ACO1: variants seen among roughly 807,000 people sequenced by gnomAD.
ACO1 encodes cytoplasmic aconitate hydratase.
In ACO1, 78 loss-of-function variants were observed where a neutral mutation model predicts 105.1. The ratio of observed to expected loss-of-function variants is 0.74; its 90% confidence interval spans 0.62 to 0.90. The LOEUF (loss-of-function observed/expected upper bound fraction) is 0.90, where lower values mean the gene tolerates loss of function less well. ACO1 is among the 40% of genes least tolerant of loss of function. ACO1 has a pLI of 0.00. For missense variants in ACO1, 965 were observed against 1,111.1 expected (o/e 0.87, Z 1.87); for synonymous variants, 364 against 397.4 (o/e 0.92, Z 1.00).
At chr9:32,417,047 G>A (rs1821866804) in intron 4 of ACO1, among the ~76,000 whole-genome samples, 1 of 152,182 alleles carries the variant, frequency 6.6e-6, no homozygotes, top group South Asian at 2.1e-4. Context: ...AGTCCATGTG[G>A]TATAGGGATT....
In ACO1 at chr9:32,451,488, C is replaced by T. The variant is rs996717892; in HGVS notation, c.*1377C>T. The T allele has an allele frequency of 6.6e-6, 1 of 152,192 alleles. No homozygotes were observed. Among genetic ancestry groups the T allele is most frequent in the African/African-American group, 2.4e-5 (1 of 41,436 alleles). 9.4% of individuals were successfully genotyped at this position (152,192 alleles called of 1,614,324 possible). A position where few individuals can be genotyped will look rare whatever the true frequency, so the allele number is the denominator to read the frequency against. The stretch of plus-strand genomic sequence containing the variant: ...AACAACTTGGTTCAAGTCCAAATGC[C>T]TAAGAACCTGGGGAGGGGCATGGGG... On this transcript the variant is annotated 3_prime_UTR_variant, in exon 21 of 21. Transcript: ENST00000309951.
At chr9:32,426,114 C>A in intron 11 of ACO1, 117 bp downstream of exon 11, 6 of 1,034,386 alleles carry the variant, frequency 5.8e-6, no homozygotes, top group Middle Eastern at 2.4e-4. Flanking sequence ...CTCGTCTTTT[C>A]CAGATACAGA....
At chr9:32,401,846 C>A (rs1361782075) in intron 1 of ACO1, among the ~76,000 whole-genome samples, 1 of 152,190 alleles carries the variant, frequency 6.6e-6, no homozygotes, top group Non-Finnish European at 1.5e-5. Context: ...TGTCCATGCC[C>A]ACCCCCGTTC....
In ACO1 at chr9:32,427,914, C is replaced by T. The variant is rs556481294; in HGVS notation, c.1484+478C>T. ...CTGTTCCAAAATATTTTCTTTATAT[C>T]TTTATTTCATAAGTTTTTTCCTATT... On this transcript the variant is annotated intron_variant, in intron 12 of 20. Transcript: ENST00000309951. 1.9e-3 allele frequency among the ~76,000 whole-genome samples: 288 copies of T among 152,230 alleles called. 1 individual carries two copies. Among genetic ancestry groups the T allele is most frequent in the Non-Finnish European group, 3.5e-3 (235 of 67,990 alleles).
chr9:32,414,252 G>A (rs1587529809), intron 4 of ACO1, among the ~76,000 whole-genome samples: 1 of 152,206 alleles, frequency 6.6e-6, no homozygotes, highest in African/African-American at 2.4e-5. Context: ...TCCATTAAAT[G>A]TAATTCTCAG....
chr9:32,432,133 C>G (rs1822252775), intron 15 of ACO1, among the ~76,000 whole-genome samples: 1 of 152,076 alleles, frequency 6.6e-6, no homozygotes, highest in Admixed American at 6.6e-5. Flanking sequence ...TCTCGGACAC[C>G]CAGGGGTGTG....
At chr9:32,406,897 C>A (rs1821623070) in intron 2 of ACO1, among the ~76,000 whole-genome samples, 1 of 152,178 alleles carries the variant, frequency 6.6e-6, no homozygotes, top group African/African-American at 2.4e-5. Flanking sequence ...AATTCTCTTG[C>A]CTCAGCCTCC....
chr9:32,400,932 A>T (rs1218652985), intron 1 of ACO1, among the ~76,000 whole-genome samples: 1 of 131,580 alleles, frequency 7.6e-6, no homozygotes, highest in Non-Finnish European at 1.6e-5. Context: ...ATGAATATAC[A>T]CTAATGGTCT....
intron 3 of ACO1, 38 bp downstream of exon 3, chr9:32,407,467 C>T (rs770558314): frequency 6.4e-7 from 1 of 1,571,352 alleles, no homozygotes; most frequent in East Asian, 2.3e-5. Context: ...TTGCCTCCCT[C>T]ATTAGCCTTT....
At chr9:32,420,223 T>A (rs1341960313) in intron 7 of ACO1, among the ~76,000 whole-genome samples, 2 of 152,226 alleles carry the variant, frequency 1.3e-5, no homozygotes, top group Non-Finnish European at 2.9e-5. Context: ...TATGGGAATC[T>A]TTTGGTTACA....
Position 32,418,371 on chromosome 9 carries a change from G to A in ACO1, c.518G>A (p.Gly173Asp), listed in dbSNP as rs760657982. Residue 173 changes from glycine to aspartate, a missense_variant, in exon 6 of 21, where the codon GGC becomes GAC. By Grantham distance (94) the Gly-to-Asp change is moderately conservative. Transcript: ENST00000309951. ...AFHNMRIIPP[G>D]SGIIHQVNLE... is the part of the protein sequence containing the mutation. ...CACAACATGCGGATTATTCCCCCTG[G>A]CTCAGGAATCATCCACCAGGTGAAT... is the stretch of plus-strand genomic sequence containing the variant. 43 of 1,614,022 alleles carry A rather than the reference G, an allele frequency of 2.7e-5. No individual in the cohort carries two copies. Among genetic ancestry groups the A allele is most frequent in the Non-Finnish European group, 3.6e-5 (42 of 1,180,036 alleles).
chr9:32,427,283 G>A lies in ACO1; in HGVS notation c.1349-18G>A. 1 of 1,613,994 alleles carries A rather than the reference G, an allele frequency of 6.2e-7. No individual in the cohort carries two copies. ...GCAGGCAGCCTCCCACACTGCATCT[G>A]TGTTTACCATTTCACAGGATTGTTA... On this transcript the variant is annotated intron_variant, in intron 11 of 20. Coordinates refer to ENST00000309951, the MANE Select transcript of ACO1 (RefSeq NM_002197.3).
chr9:32,425,811 T>G, intron 10 of ACO1, 27 bp from the exon 11 acceptor site: 1 of 1,483,948 alleles, frequency 6.7e-7, no homozygotes. Context: ...TATATTCCTA[T>G]ATAATATACA....
chr9:32,441,408 G>A (rs913999180), intron 19 of ACO1, among the ~76,000 whole-genome samples: 30 of 152,072 alleles, frequency 2.0e-4, no homozygotes, highest in Non-Finnish European at 3.1e-4. Context: ...AATGCACCTC[G>A]GAAACACTAA....
At chr9:32,390,155 C>T (rs1451459265) in intron 1 of ACO1, among the ~76,000 whole-genome samples, 1 of 152,188 alleles carries the variant, frequency 6.6e-6, no homozygotes, top group African/African-American at 2.4e-5. Context: ...GAGTTGGCAT[C>T]TTCATTTGCA....
intron 1 of ACO1, among the ~76,000 whole-genome samples, chr9:32,400,654 GTA>G (rs1336822029): frequency 6.6e-6 from 1 of 152,154 alleles, no homozygotes; most frequent in Non-Finnish European, 1.5e-5. Flanking sequence ...CTTTCAAAGG[GTA>G]TTGCTGAAGA....
In ACO1 at chr9:32,412,774, G is replaced by T. The variant is rs560501992; in HGVS notation, c.404+4123G>T. On this transcript the variant is annotated intron_variant, in intron 4 of 20. Coordinates refer to ENST00000309951, the MANE Select transcript of ACO1 (RefSeq NM_002197.3). ...AAATATATGCGTAAAATGTTATCCT[G>T]TTTGAGATAGGATAAAGACCCACTT... Among the ~76,000 whole-genome samples, 3 of 152,258 alleles carry T rather than the reference G, an allele frequency of 2.0e-5. No homozygotes were observed. In the East Asian group the frequency reaches 5.8e-4, roughly 29 times the overall value.
At chr9:32,389,800 C>CTTT (rs71916359) in intron 1 of ACO1, among the ~76,000 whole-genome samples, 39,092 of 132,400 alleles carry the variant, frequency 0.3, 7,146 homozygotes, top group Non-Finnish European at 0.36. Flanking sequence ...TTCCTCTATA[C>CTTT]TTTTTTTTTT....
Position 32,419,062 on chromosome 9 carries a change from C to CTG in ACO1, c.685_686dup (p.Met230SerfsTer14). Reference sequence around the variant, plus strand: ...GGTGTCGGTGGTATTGAAGCAGAAGCTGTCATGCTGGGTCAGCCAATCAGT... The same window carrying CTG: ...GGTGTCGGTGGTATTGAAGCAGAAGCTGTGTCATGCTGGGTCAGCCAATCAGT... On this transcript the variant is annotated frameshift_variant, in exon 7 of 21. Transcript: ENST00000309951. LOFTEE classifies it high-confidence loss of function. The CTG allele has an allele frequency of 6.2e-7, 1 of 1,605,782 alleles. No homozygotes were observed. Among genetic ancestry groups the CTG allele is most frequent in the Non-Finnish European group, 8.5e-7 (1 of 1,175,740 alleles).
Sources: allele counts gnomAD v4.1 joint callset (sites outside exome capture counted in the v4.1 genomes callset), GRCh38; gene constraint gnomAD v4.1.1; transcripts MANE v1.5; gene names NCBI Gene and HGNC (gene_info 2026-07-23, HGNC 2026-07-21).